The following PDCD6 variants were observed in gnomAD, a reference collection of about 807,000 sequenced individuals.
The protein encoded by PDCD6 is programmed cell death protein 6.
PDCD6 carries 12 observed loss-of-function variants against 28.3 expected under a neutral mutation model. The ratio of observed to expected loss-of-function variants is 0.42; its 90% confidence interval spans 0.27 to 0.69. PDCD6 has a LOEUF of 0.69. Ranked by LOEUF, PDCD6 falls within the 30% of genes least tolerant of loss-of-function variation. PDCD6 has a pLI of 0.22. For synonymous variants in PDCD6, 92 were observed against 108.0 expected, an observed-to-expected ratio of 0.85 and a Z score of 0.92; for missense variants, 226 against 269.9, an observed-to-expected ratio of 0.84 and a Z score of 1.14.
intron 2 of PDCD6, among the ~76,000 whole-genome samples, chr5:280,228 C>T (rs1338711733): frequency 1.3e-5 from 2 of 152,030 alleles, no homozygotes; most frequent in Non-Finnish European, 2.9e-5. Flanking sequence ...GCAGAGGGCA[C>T]AGCAGGGCAA....
rs554701464 is a variant in PDCD6 at position 277,282 on chromosome 5, C to T, written c.163+4510C>T. ...CTGGGACTACAGGTGCCCACCACCA[C>T]GCCCAGCTAATTTTTTGTATTTTTT... On this transcript the variant is annotated intron_variant, in intron 2 of 5. Coordinates refer to ENST00000264933, the MANE Select transcript of PDCD6 (RefSeq NM_013232.4). Among the ~76,000 whole-genome samples the T allele has an allele frequency of 8.7e-5, 13 of 149,166 alleles. No homozygotes were observed. The South Asian group carries it at 2.8e-3, about 32-fold the overall frequency.
rs556895135 is a variant in PDCD6 at position 274,885 on chromosome 5, C to G, written c.163+2113C>G. 3.3e-5 allele frequency among the ~76,000 whole-genome samples: 5 copies of G among 152,328 alleles called. No individual in the cohort carries two copies. In the East Asian group the frequency reaches 7.7e-4, roughly 24 times the overall value. On this transcript the variant is annotated intron_variant, in intron 2 of 5. Coordinates refer to ENST00000264933, the MANE Select transcript of PDCD6 (RefSeq NM_013232.4). Reference sequence around the variant, plus strand: ...AACATAATCTTGATTTCAGCTGCTACTAAATATCTACCAGGAGACTGCTTG... The same window carrying G: ...AACATAATCTTGATTTCAGCTGCTAGTAAATATCTACCAGGAGACTGCTTG...
At chr5:314,030 C>CTGTGTCTTGA (rs76623415) in intron 5 of PDCD6, among the ~76,000 whole-genome samples, 2 of 151,714 alleles carry the variant, frequency 1.3e-5, no homozygotes. Context: ...GCATCCCCTG[C>CTGTGTCTTGA]GCTGCACATG....
rs772135167 is a variant in PDCD6 at position 306,630 on chromosome 5, C to T, written c.237C>T (p.Gly79=). 1.6e-5 allele frequency: 26 copies of T among 1,613,804 alleles called. No homozygotes were observed. The highest frequency in any genetic ancestry group is 2.0e-5 in the Non-Finnish European group (24 of 1,180,002). Reference sequence around the variant, plus strand: ...TGTTTGACCGTGAGAACAAGGCCGGCGTGAACTTCAGCGAGTTCACGGGTG... The same window carrying T: ...TGTTTGACCGTGAGAACAAGGCCGGTGTGAACTTCAGCGAGTTCACGGGTG... ...ISMFDRENKA[G]VNFSEFTGVW... The change falls in exon 4 of 6, where the codon GGC becomes GGT. Residue 79 remains glycine (G), a synonymous_variant. Coordinates refer to ENST00000264933, the MANE Select transcript of PDCD6 (RefSeq NM_013232.4).
intron 2 of PDCD6, among the ~76,000 whole-genome samples, chr5:275,461 T>C (rs1359437289): frequency 6.6e-6 from 1 of 152,246 alleles, no homozygotes; most frequent in African/African-American, 2.4e-5. Flanking sequence ...TTGCATCTTA[T>C]AAACGTTTAC....
chr5:301,630 T>C (rs1261408112), intron 2 of PDCD6, among the ~76,000 whole-genome samples: 4 of 151,728 alleles, frequency 2.6e-5, no homozygotes, highest in African/African-American at 9.7e-5. Context: ...GCACCTGCCT[T>C]TGTGGGGAGA....
At chr5:279,166 T>C (rs1193805038) in intron 2 of PDCD6, among the ~76,000 whole-genome samples, 1 of 150,464 alleles carries the variant, frequency 6.6e-6, no homozygotes, top group Non-Finnish European at 1.5e-5. Context: ...TTTCTTGCCA[T>C]GGGTGATTTA....
At chr5:275,413 G>A (rs1385268598) in intron 2 of PDCD6, among the ~76,000 whole-genome samples, 1 of 152,196 alleles carries the variant, frequency 6.6e-6, no homozygotes, top group Admixed American at 6.5e-5. Flanking sequence ...CTGGAGCTGC[G>A]CGTGTTCTCA....
chr5:296,718 G>C (rs961770247), intron 2 of PDCD6, among the ~76,000 whole-genome samples: 1 of 152,242 alleles, frequency 6.6e-6, no homozygotes, highest in Non-Finnish European at 1.5e-5. Flanking sequence ...GGACCAGAAA[G>C]GTGAGGAGGA....
At chr5:277,837 C>T (rs1449224879) in intron 2 of PDCD6, among the ~76,000 whole-genome samples, 2 of 149,942 alleles carry the variant, frequency 1.3e-5, no homozygotes, top group Non-Finnish European at 2.9e-5. Context: ...ATCACTTGAA[C>T]CTGGGAGGCA....
intron 3 of PDCD6, chr5:304,969 G>C (rs1202043370): frequency 6.6e-6 from 1 of 152,212 alleles, no homozygotes; most frequent in Non-Finnish European, 1.5e-5. Flanking sequence ...GGGGATTACA[G>C]GTGTGCACCC....
At chr5:274,021 C>T (rs183319861) in intron 2 of PDCD6, among the ~76,000 whole-genome samples, 9 of 151,646 alleles carry the variant, frequency 5.9e-5, no homozygotes, top group African/African-American at 1.5e-4. Context: ...CAAGAGAACC[C>T]GGAATCCAGT....
intron 2 of PDCD6, among the ~76,000 whole-genome samples, chr5:282,283 G>A (rs559696123): frequency 2.6e-5 from 3 of 116,546 alleles, no homozygotes; most frequent in East Asian, 2.9e-4. Flanking sequence ...GGGGGGGGGG[G>A]AGCTGATGTT....
In PDCD6 at chr5:307,734, G is replaced by T. The variant is rs946512959; in HGVS notation, c.367+974G>T. Among the ~76,000 whole-genome samples the T allele has an allele frequency of 2.6e-4, 40 of 152,104 alleles. No homozygotes were observed. The highest frequency in any genetic ancestry group is 9.4e-4 in the African/African-American group (39 of 41,400). On this transcript the variant is annotated intron_variant, in intron 4 of 5. Transcript: ENST00000264933. The surrounding 1 kb of genome is among the most constrained non-coding windows in gnomAD (Gnocchi z 6.1). ...TCCTTAGAAACAGTGAGGAAAATTC[G>T]ATTCTACTTGAGTACCTCCGAGATC...
rs571370281 is a variant in PDCD6, at chr5:272,755, A to G, written c.146A>G (p.Gln49Arg). ...RSGVISDTEL[Q>R]QALSNGTWTP... ...GGAGTGATATCAGACACCGAGCTTC[A>G]GCAAGCTCTCTCCAACGGTGAGTGG... The change falls in exon 2 of 6, where the codon CAG becomes CGG. Residue 49 changes from glutamine (Q) to arginine (R), a missense_variant. Gln to Arg is a conservative substitution (Grantham distance 43). Coordinates refer to ENST00000264933, the MANE Select transcript of PDCD6 (RefSeq NM_013232.4). 5.3e-4 allele frequency: 849 copies of G among 1,588,032 alleles called. 3 individuals are homozygous for G. The highest frequency in any genetic ancestry group is 6.6e-4 in the Non-Finnish European group (778 of 1,172,876).
At chr5:311,646 G>A (rs1740924614) in intron 5 of PDCD6, 1 of 491,564 alleles carries the variant, frequency 2.0e-6, no homozygotes, top group Non-Finnish European at 3.6e-6. Flanking sequence ...GTATCCGGTG[G>A]GTTATTTACA....
intron 2 of PDCD6, among the ~76,000 whole-genome samples, chr5:284,583 G>A (rs1335746775): frequency 6.6e-6 from 1 of 152,164 alleles, no homozygotes; most frequent in Non-Finnish European, 1.5e-5. Flanking sequence ...TGATGTTCCG[G>A]TATGAGGGCC....
intron 1 of PDCD6, 26 bp downstream of exon 1, chr5:271,847 C>T (rs780227842): frequency 1.8e-5 from 23 of 1,286,816 alleles, no homozygotes; most frequent in East Asian, 5.9e-5. Flanking sequence ...GCCCGGGCAC[C>T]TCCCGCCTCC....
intron 2 of PDCD6, among the ~76,000 whole-genome samples, chr5:300,672 G>A (rs1158766721): frequency 5.9e-5 from 9 of 152,366 alleles, no homozygotes; most frequent in South Asian, 4.1e-4. Context: ...GCTTCAGCTC[G>A]TTACGGGCCG....
Sources: gnomAD v4.1 joint callset for allele counts (sites outside exome capture counted in the v4.1 genomes callset) on GRCh38, gnomAD v4.1.1 for gene constraint, Gnocchi (gnomAD v3.1) non-coding constraint, MANE v1.5 for transcripts, NCBI Gene and HGNC (gene_info 2026-07-23, HGNC 2026-07-21) for gene names.